DYNC1I1: variants seen among roughly 807,000 people sequenced by gnomAD.
DYNC1I1 encodes cytoplasmic dynein 1 intermediate chain 1.
In DYNC1I1, 43 loss-of-function variants were observed where a neutral mutation model predicts 86.6. The observed-to-expected ratio is 0.50, with a 90% CI of 0.39 to 0.64. DYNC1I1 has a LOEUF of 0.64. DYNC1I1 is among the 30% of genes least tolerant of loss of function. The pLI is 0.00. For missense variants in DYNC1I1, 604 were observed against 788.8 expected (o/e 0.77, Z 2.81); for synonymous variants, 262 against 283.7 (o/e 0.92, Z 0.77).
chr7:96,061,839 G>A (rs181728797), intron 14 of DYNC1I1, among the ~76,000 whole-genome samples: 11 of 151,928 alleles, frequency 7.2e-5, no homozygotes, highest in South Asian at 2.1e-4. Context: ...TCACATTTTC[G>A]TCAAGTTCTA....
intron 5 of DYNC1I1, among the ~76,000 whole-genome samples, chr7:95,836,577 C>G (rs1789098928): frequency 6.6e-6 from 1 of 151,484 alleles, no homozygotes; most frequent in Admixed American, 6.6e-5. Flanking sequence ...CAACTTGGTT[C>G]CATTCTCCCC....
chr7:95,891,420 A>C (rs1272283215), intron 6 of DYNC1I1, among the ~76,000 whole-genome samples: 1 of 152,226 alleles, frequency 6.6e-6, no homozygotes, highest in Non-Finnish European at 1.5e-5. Context: ...AGAAGCAAAC[A>C]GAGTAAAATG....
At chr7:95,965,746 T>C (rs931442685) in intron 6 of DYNC1I1, among the ~76,000 whole-genome samples, 1 of 152,126 alleles carries the variant, frequency 6.6e-6, no homozygotes, top group Admixed American at 6.6e-5. Flanking sequence ...AAGAAGATAC[T>C]CAGTCATTGT....
intron 6 of DYNC1I1, among the ~76,000 whole-genome samples, chr7:95,947,698 C>G (rs1334225853): frequency 6.6e-6 from 1 of 152,100 alleles, no homozygotes; most frequent in African/African-American, 2.4e-5. Context: ...TCCCTCTTTT[C>G]CAAGCTTAGA....
chr7:95,933,981 A>T (rs182028443), intron 6 of DYNC1I1, among the ~76,000 whole-genome samples: 192 of 152,226 alleles, frequency 1.3e-3, no homozygotes, highest in Non-Finnish European at 1.8e-3. Context: ...GAGAACAATC[A>T]CGGTTCACAT....
chr7:96,071,360 G>A (rs964746845), intron 14 of DYNC1I1, among the ~76,000 whole-genome samples: 12 of 152,164 alleles, frequency 7.9e-5, no homozygotes, highest in African/African-American at 2.9e-4. Context: ...GCTAATAGGA[G>A]CCCTTGAGGT....
At chr7:95,880,510 A>G (rs1421472662) in intron 6 of DYNC1I1, among the ~76,000 whole-genome samples, 1 of 151,964 alleles carries the variant, frequency 6.6e-6, no homozygotes, top group Admixed American at 6.6e-5. Context: ...CATGAGTCAT[A>G]CTCAAGTCAC....
chr7:96,036,788 A>G (rs977333661), intron 13 of DYNC1I1, among the ~76,000 whole-genome samples: 2 of 152,168 alleles, frequency 1.3e-5, no homozygotes, highest in Admixed American at 1.3e-4. Context: ...ACTCTACCTT[A>G]ACTGAGAGAT....
chr7:95,899,055 G>A (rs925884079), intron 6 of DYNC1I1, among the ~76,000 whole-genome samples: 1 of 152,056 alleles, frequency 6.6e-6, no homozygotes, highest in Non-Finnish European at 1.5e-5. Flanking sequence ...CCAAGTACTT[G>A]TAAAATATTG....
At chr7:95,935,829 C>G (rs1030883052) in intron 6 of DYNC1I1, among the ~76,000 whole-genome samples, 1 of 151,956 alleles carries the variant, frequency 6.6e-6, no homozygotes, top group African/African-American at 2.4e-5. Context: ...AAAAGACATA[C>G]AAATGGCCAA....
chr7:95,854,253 G>T (rs1789657913), intron 5 of DYNC1I1, among the ~76,000 whole-genome samples: 1 of 151,938 alleles, frequency 6.6e-6, no homozygotes, highest in African/African-American at 2.4e-5. Context: ...GTAGTTAAGT[G>T]ATTTTCTCTG....
At chr7:96,035,588 A>G (rs748544846) in intron 12 of DYNC1I1, 31 bp from the exon 13 acceptor site, 2 of 1,550,470 alleles carry the variant, frequency 1.3e-6, no homozygotes, top group African/African-American at 2.8e-5. Context: ...GAGTTGACAG[A>G]TGGAAATGTA....
chr7:95,923,954 A>G (rs966495378), intron 6 of DYNC1I1, among the ~76,000 whole-genome samples: 2 of 152,148 alleles, frequency 1.3e-5, no homozygotes, highest in Non-Finnish European at 2.9e-5. Context: ...AGAATTTTGT[A>G]TGTTCTTCAT....
chr7:95,986,044 G>GTGTGTGTGTGTGTA (rs1164924953), intron 8 of DYNC1I1, among the ~76,000 whole-genome samples: 1 of 151,252 alleles, frequency 6.6e-6, no homozygotes, highest in African/African-American at 2.4e-5. Context: ...GTGTGTGTGT[G>GTGTGTGTGTGTGTA]TGTGTGTGTG....
chr7:95,896,602 G>A (rs2116291133), intron 6 of DYNC1I1, among the ~76,000 whole-genome samples: 1 of 152,286 alleles, frequency 6.6e-6, no homozygotes, highest in Admixed American at 6.5e-5. Flanking sequence ...TTCACACACA[G>A]CTCAGTCCGA....
intron 10 of DYNC1I1, among the ~76,000 whole-genome samples, chr7:96,023,831 C>T (rs1386941166): frequency 6.6e-6 from 1 of 152,098 alleles, no homozygotes; most frequent in Non-Finnish European, 1.5e-5. Flanking sequence ...TTCTCAGGAG[C>T]CTCTGGGCTA....
chr7:95,978,281 A>G (rs2115639110), intron 7 of DYNC1I1, among the ~76,000 whole-genome samples: 1 of 152,342 alleles, frequency 6.6e-6, no homozygotes, highest in South Asian at 2.1e-4. Flanking sequence ...CAAGTACATG[A>G]GCCAAGATTT....
intron 6 of DYNC1I1, among the ~76,000 whole-genome samples, chr7:95,938,523 T>C (rs1792111402): frequency 6.6e-6 from 1 of 152,144 alleles, no homozygotes; most frequent in East Asian, 1.9e-4. Flanking sequence ...AATATCCTCA[T>C]TTTGGATGAG....
chr7:95,903,625 T>G (rs1420850183), intron 6 of DYNC1I1, among the ~76,000 whole-genome samples: 1 of 152,206 alleles, frequency 6.6e-6, no homozygotes, highest in Admixed American at 6.5e-5. Flanking sequence ...AATGATATCA[T>G]TTTATTAGCA....
Sources: gnomAD v4.1 joint callset for allele counts (sites outside exome capture counted in the v4.1 genomes callset) on GRCh38, gnomAD v4.1.1 for gene constraint, MANE v1.5 for transcripts, NCBI Gene and HGNC (gene_info 2026-07-23, HGNC 2026-07-21) for gene names.